PXDN: variants seen among roughly 807,000 people sequenced by gnomAD.
PXDN encodes the protein peroxidasin homolog.
PXDN carries 77 observed loss-of-function variants against 140.3 expected under a neutral mutation model. The ratio of observed to expected loss-of-function variants is 0.55; its 90% CI spans 0.46 to 0.66. The LOEUF (loss-of-function observed/expected upper bound fraction) is 0.66, where lower values mean the gene tolerates loss of function less well. Among genes scored for constraint, PXDN ranks in the 30% least tolerant of loss-of-function variants. The pLI, the probability that PXDN is intolerant of heterozygous loss-of-function variation, is 0.00. For missense variants in PXDN, 1,838 were observed against 2,039.5 expected (o/e 0.90, Z 1.90); for synonymous variants, 911 against 857.4 (o/e 1.06, Z -1.09).
chr2:1,669,801 T>C (rs2125431119), intron 9 of PXDN: 1 of 152,282 alleles, frequency 6.6e-6, no homozygotes, highest in South Asian at 2.1e-4. Flanking sequence ...ATCTTACCAC[T>C]GCACTCCAGC....
chr2:1,663,396 A>C (rs1259273350), intron 12 of PXDN, among the ~76,000 whole-genome samples: 3 of 152,168 alleles, frequency 2.0e-5, no homozygotes, highest in Non-Finnish European at 4.4e-5. Flanking sequence ...AAAAATAAGC[A>C]AATGTTTTCA....
chr2:1,721,603 G>A (rs1176452346), intron 1 of PXDN, among the ~76,000 whole-genome samples: 12 of 152,168 alleles, frequency 7.9e-5, no homozygotes, highest in Non-Finnish European at 1.0e-4. Context: ...TTGGGAGGCC[G>A]AGGCGGGCGG....
At chr2:1,657,966 C>A (rs1683189004) in intron 14 of PXDN, among the ~76,000 whole-genome samples, 1 of 148,704 alleles carries the variant, frequency 6.7e-6, no homozygotes, top group South Asian at 2.2e-4. Context: ...GGGACTTGCC[C>A]CCTCACTGTG....
intron 1 of PXDN, among the ~76,000 whole-genome samples, chr2:1,700,974 T>C (rs1480518884): frequency 6.6e-6 from 1 of 152,136 alleles, no homozygotes; most frequent in Non-Finnish European, 1.5e-5. Context: ...AGGTTGGAAT[T>C]ATAACCGATG....
intron 1 of PXDN, among the ~76,000 whole-genome samples, chr2:1,712,879 C>T (rs1684815615): frequency 6.6e-6 from 1 of 152,132 alleles, no homozygotes; most frequent in Non-Finnish European, 1.5e-5. Flanking sequence ...CATCCGCCAC[C>T]AGGCCTGGCT....
chr2:1,635,422 T>C lies in PXDN; in HGVS notation c.4306A>G (p.Ile1436Val). The change falls in exon 22 of 23, where the codon ATT (isoleucine) becomes GTT (valine). Residue 1436 changes from isoleucine to valine, a missense_variant. Coordinates refer to ENST00000252804, the MANE Select transcript of PXDN (RefSeq NM_012293.3). ...NTKWKKDACT[I>V]CECKDGQVTC... ...CCCATACTCACTTTGCATTCACAAA[T>C]GGTGCATGCATCTTTTTTCCACTTG... The C allele has an allele frequency of 1.9e-6, 3 of 1,590,552 alleles. No homozygotes were observed. The highest frequency in any genetic ancestry group is 2.6e-6 in the Non-Finnish European group (3 of 1,167,144).
At chr2:1,691,857 A>G (rs1684188326) in intron 3 of PXDN, 71 bp downstream of exon 3, 1 of 1,002,844 alleles carries the variant, frequency 1.0e-6, no homozygotes, top group South Asian at 1.7e-5. Flanking sequence ...AAGCAGCACG[A>G]AATTTAGCTC....
intron 1 of PXDN, among the ~76,000 whole-genome samples, chr2:1,715,448 G>A (rs773985272): frequency 3.3e-5 from 5 of 152,178 alleles, no homozygotes; most frequent in Non-Finnish European, 7.4e-5. Context: ...GAAGAGAAGG[G>A]GGAACTCAAC....
chr2:1,669,462 G>A (rs1683524936), intron 9 of PXDN, among the ~76,000 whole-genome samples: 1 of 152,170 alleles, frequency 6.6e-6, no homozygotes, highest in Non-Finnish European at 1.5e-5. Context: ...AGAACTTAAA[G>A]TAAAATTTAA....
chr2:1,639,296 C>T lies in PXDN; in HGVS notation c.4073+6G>A. 1 of 1,611,152 alleles carries T rather than the reference C, an allele frequency of 6.2e-7. No homozygotes were observed. Among genetic ancestry groups the T allele is most frequent in the Non-Finnish European group, 8.5e-7 (1 of 1,178,570 alleles). ...GCACATCATTTGACCTCAGAGACCA[C>T]CATACCTGGGTATTTTCCGTGGTCT... On this transcript the variant is annotated splice_donor_region_variant and intron_variant, in intron 20 of 22. Coordinates refer to ENST00000252804, the MANE Select transcript of PXDN (RefSeq NM_012293.3). This position sits in a 1 kb window ranked among gnomAD's most constrained non-coding sequence, Gnocchi z 5.0.
In PXDN at chr2:1,655,820, G is replaced by A. The variant is rs138016272; in HGVS notation, c.1838-1312C>T. 4.4e-3 allele frequency among the ~76,000 whole-genome samples: 616 copies of A among 139,984 alleles called. 2 individuals carry two copies. Among genetic ancestry groups the A allele is most frequent in the Non-Finnish European group, 6.6e-3 (422 of 63,896 alleles). The allele number at this position is 139,984 out of a possible 152,430, so 91.8% of individuals were successfully genotyped here. On this transcript the variant is annotated intron_variant, in intron 14 of 22. Coordinates refer to ENST00000252804, the MANE Select transcript of PXDN (RefSeq NM_012293.3). The stretch of plus-strand genomic sequence containing the variant: ...ACACACGCCACACATAGGACATGAC[G>A]CACACACCACACACACACAGATTAT...
rs778985833 is a variant in PXDN, at chr2:1,680,284, C to T, written c.639G>A (p.Ser213=). The change falls in exon 7 of 23, where the codon TCG becomes TCA. Residue 213 remains serine, a synonymous_variant. Transcript: ENST00000252804. The part of the protein sequence containing the change: ...LADLLKTYAE[S]GNAQAAAICE... Reference sequence around the variant, plus strand: ...AGATGGCCGCTGCCTGCGCGTTCCCCGACTCCGCGTAGGTTTTCAGCAAAT... The same window carrying T: ...AGATGGCCGCTGCCTGCGCGTTCCCTGACTCCGCGTAGGTTTTCAGCAAAT... 28 of 1,613,852 alleles carry T rather than the reference C, an allele frequency of 1.7e-5. No individual in the cohort carries two copies. The highest frequency in any genetic ancestry group is 3.3e-5 in the South Asian group (3 of 91,076).
chr2:1,684,088 G>A lies in PXDN; in HGVS notation c.480C>T (p.Leu160=), dbSNP rs1320356614. 10 of 1,581,454 alleles carry A rather than the reference G, an allele frequency of 6.3e-6. No individual in the cohort carries two copies. The highest frequency in any genetic ancestry group is 4.0e-5 in the African/African-American group (3 of 74,196). ...AACAACACACAACTCACAGCCTCTC[G>A]AGCTTCGGGAGATGCTGGAACGAAT... ...DPDSFQHLPK[L]ERLFLHNNRI... Residue 160 remains leucine, a synonymous_variant, in exon 5 of 23, where the codon CTC becomes CTT. Coordinates refer to ENST00000252804, the MANE Select transcript of PXDN (RefSeq NM_012293.3).
chr2:1,658,540 C>A (rs570034869), intron 14 of PXDN, among the ~76,000 whole-genome samples: 2 of 152,126 alleles, frequency 1.3e-5, no homozygotes, highest in South Asian at 4.2e-4. Flanking sequence ...ACTCCTTCTC[C>A]CACTTGGCCC....
rs1181174421 is a variant in PXDN at position 1,700,991 on chromosome 2, G to A, written c.201-7857C>T. ...GTTGGAATTATAACCGATGCCACAC[G>A]CCCTCTCCCAGGATGAATACAGGAC... On this transcript the variant is annotated intron_variant, in intron 1 of 22. Transcript: ENST00000252804. Among the ~76,000 whole-genome samples the A allele has an allele frequency of 2.0e-5, 3 of 152,134 alleles. 1 individual carries two copies. The highest frequency in any genetic ancestry group is 4.2e-4 in the South Asian group (2 of 4,818).
intron 7 of PXDN, among the ~76,000 whole-genome samples, chr2:1,678,416 C>A (rs772781828): frequency 2.0e-5 from 3 of 152,210 alleles, no homozygotes; most frequent in Non-Finnish European, 4.4e-5. Context: ...TAACTGTACA[C>A]CTGAACGGGG....
intron 1 of PXDN, among the ~76,000 whole-genome samples, chr2:1,743,527 C>T (rs1277383770): frequency 1.4e-5 from 2 of 147,242 alleles, no homozygotes; most frequent in Non-Finnish European, 3.0e-5. Flanking sequence ...GGGGGCGCCG[C>T]GGCTGCGGGA....
Position 1,740,771 on chromosome 2 carries a change from CAACACCCAGCACACGGCGTGGGCCT to C in PXDN, c.200+3460_200+3484del, listed in dbSNP as rs369376447. ...CCGGTCTCGTTTTCTGTGGGTGGCC[CAACACCCAGCACACGGCGTGGGCCT>C]AACACCCAGCAGATGGTGAGAAAAA... is the stretch of plus-strand genomic sequence containing the variant. On this transcript the variant is annotated intron_variant, in intron 1 of 22. Coordinates refer to ENST00000252804, the MANE Select transcript of PXDN (RefSeq NM_012293.3). Among the ~76,000 whole-genome samples the C allele has an allele frequency of 9.2e-3, 1,406 of 152,282 alleles. 12 individuals carry two copies. Among genetic ancestry groups the C allele is most frequent in the African/African-American group, 0.032 (1,325 of 41,558 alleles).
At chr2:1,690,922 CAAT>C (rs1425575062) in intron 3 of PXDN, among the ~76,000 whole-genome samples, 1 of 152,096 alleles carries the variant, frequency 6.6e-6, no homozygotes, top group Non-Finnish European at 1.5e-5. Flanking sequence ...TATACATCAA[CAAT>C]AACAAGACGA....
Sources: allele counts gnomAD v4.1 joint callset (sites outside exome capture counted in the v4.1 genomes callset), GRCh38; gene constraint gnomAD v4.1.1; non-coding constraint Gnocchi (gnomAD v3.1); transcripts MANE v1.5; gene names NCBI Gene and HGNC (gene_info 2026-07-23, HGNC 2026-07-21).